IPCEF1: variants seen among roughly 807,000 people sequenced by gnomAD.
IPCEF1 encodes interaction protein for cytohesin exchange factors 1, also known as interactor protein for cytohesin exchange factors 1.
In IPCEF1, 31 loss-of-function variants were observed where a neutral mutation model predicts 50.9. The ratio of observed to expected loss-of-function variants is 0.61; its 90% CI spans 0.46 to 0.82. The LOEUF (loss-of-function observed/expected upper bound fraction) is 0.82. Ranked by LOEUF, IPCEF1 falls within the 40% of genes least tolerant of loss-of-function variation. The pLI is 0.00. For missense variants in IPCEF1, 458 were observed against 514.0 expected (o/e 0.89, Z 1.05); for synonymous variants, 181 against 192.0 (o/e 0.94, Z 0.47).
At chr6:154,348,392 T>C (rs1417170210) in intron 1 of IPCEF1, among the ~76,000 whole-genome samples, 1 of 152,204 alleles carries the variant, frequency 6.6e-6, no homozygotes, top group Non-Finnish European at 1.5e-5. Flanking sequence ...GTTCAGGCAC[T>C]TCTCTTTGAT....
chr6:154,286,373 A>T (rs1188844943), intron 2 of IPCEF1, among the ~76,000 whole-genome samples: 1 of 152,224 alleles, frequency 6.6e-6, no homozygotes, highest in Non-Finnish European at 1.5e-5. Flanking sequence ...AAAACTTTTT[A>T]AAAAGAACTA....
At chr6:154,275,870 A>AT (rs1221857285) in intron 2 of IPCEF1, among the ~76,000 whole-genome samples, 1 of 152,142 alleles carries the variant, frequency 6.6e-6, no homozygotes, top group Non-Finnish European at 1.5e-5. Context: ...GTCTGGCTAG[A>AT]TTTTTCCTTA....
At chr6:154,273,724 CTTTTTTTT>C (rs71021036) in intron 2 of IPCEF1, among the ~76,000 whole-genome samples, 17 of 63,310 alleles carry the variant, frequency 2.7e-4, no homozygotes, top group African/African-American at 6.7e-4. Flanking sequence ...TTCTTTCTTT[CTTTTTTTT>C]TTTTTTTTTT....
intron 11 of IPCEF1, among the ~76,000 whole-genome samples, chr6:154,164,270 T>A (rs974977063): frequency 6.6e-6 from 1 of 152,158 alleles, no homozygotes; most frequent in Non-Finnish European, 1.5e-5. Context: ...TAGAACAGGG[T>A]CTCTTCAACT....
At chr6:154,198,997 AAGTT>A (rs1297534032) in intron 10 of IPCEF1, among the ~76,000 whole-genome samples, 3 of 152,254 alleles carry the variant, frequency 2.0e-5, no homozygotes, top group Non-Finnish European at 4.4e-5. Flanking sequence ...TAATAAAAAT[AAGTT>A]AGTCCTGGAT....
chr6:154,233,747 C>A (rs991269236), intron 5 of IPCEF1, among the ~76,000 whole-genome samples: 21 of 152,144 alleles, frequency 1.4e-4, no homozygotes, highest in Admixed American at 1.2e-3. Flanking sequence ...CCTGTCCTTA[C>A]CACCCAGGGC....
chr6:154,163,143 G>A (rs1442298557), intron 11 of IPCEF1, among the ~76,000 whole-genome samples: 1 of 152,146 alleles, frequency 6.6e-6, no homozygotes, highest in Non-Finnish European at 1.5e-5. Flanking sequence ...CTTACTCCGA[G>A]CAGAAGCTGG....
chr6:154,278,360 A>C (rs188410974), intron 2 of IPCEF1, among the ~76,000 whole-genome samples: 1 of 152,286 alleles, frequency 6.6e-6, no homozygotes, highest in African/African-American at 2.4e-5. Context: ...CCCTGTGGAC[A>C]GGTCCGGGAG....
chr6:154,255,718 T>A (rs1366473930), intron 3 of IPCEF1, among the ~76,000 whole-genome samples: 1 of 152,210 alleles, frequency 6.6e-6, no homozygotes, highest in East Asian at 1.9e-4. Flanking sequence ...TCTCTTTATC[T>A]CTCTATGCTA....
Position 154,155,358 on chromosome 6 carries a change from T to C in IPCEF1, c.*4470A>G, listed in dbSNP as rs1798669373. 6.6e-6 allele frequency: 1 copy of C among 152,182 alleles called. No individual in the cohort carries two copies. Among genetic ancestry groups the C allele is most frequent in the Admixed American group, 6.5e-5 (1 of 15,270 alleles). 9.4% of individuals were successfully genotyped at this position (152,182 alleles called of 1,614,324 possible). ...TCTCCTGTGAGGTATACAAAAGAAA[T>C]TGGAAGAGAAATAAATTGGAAAACC... On this transcript the variant is annotated 3_prime_UTR_variant, in exon 12 of 12. Coordinates refer to ENST00000367220, the MANE Select transcript of IPCEF1 (RefSeq NM_001130700.2).
At chr6:154,231,195 T>C (rs1230458446) in intron 5 of IPCEF1, among the ~76,000 whole-genome samples, 4 of 152,188 alleles carry the variant, frequency 2.6e-5, no homozygotes, top group Non-Finnish European at 5.9e-5. Context: ...ATCTGAATTA[T>C]ATTCTTTAAA....
At chr6:154,290,748 A>G (rs1172855508) in intron 1 of IPCEF1, among the ~76,000 whole-genome samples, 1 of 152,256 alleles carries the variant, frequency 6.6e-6, no homozygotes, top group Non-Finnish European at 1.5e-5. Flanking sequence ...TTTTTTCTAA[A>G]GAGGACAGTA....
intron 2 of IPCEF1, 149 bp downstream of exon 2, chr6:154,289,564 T>C (rs1420998198): frequency 6.6e-6 from 1 of 151,980 alleles, no homozygotes; most frequent in African/African-American, 2.4e-5. Context: ...TCAACTTCCC[T>C]CTGCATAAAT....
intron 5 of IPCEF1, among the ~76,000 whole-genome samples, chr6:154,241,311 G>T (rs1780573719): frequency 6.6e-6 from 1 of 151,454 alleles, no homozygotes; most frequent in Non-Finnish European, 1.5e-5. Flanking sequence ...AGGCTCAGGG[G>T]CCTCAAGCTT....
rs1583844745 is a variant in IPCEF1, at chr6:154,225,266, T to C, written c.247-2023A>G. On this transcript the variant is annotated intron_variant, in intron 5 of 11. Coordinates refer to ENST00000367220, the MANE Select transcript of IPCEF1 (RefSeq NM_001130700.2). ...TTTGGATTATGGATGCTCAGAGGAA[T>C]TGAAAAAGGGTACTCAAATACATGT... 5.3e-5 allele frequency among the ~76,000 whole-genome samples: 8 copies of C among 152,254 alleles called. No homozygotes were observed. In the South Asian group the frequency reaches 1.7e-3, roughly 32 times the overall value.
intron 1 of IPCEF1, among the ~76,000 whole-genome samples, chr6:154,340,870 G>A (rs1167435768): frequency 7.7e-6 from 1 of 130,112 alleles, no homozygotes; most frequent in Non-Finnish European, 1.6e-5. Context: ...GGCAACAAGA[G>A]CAAAACTCCG....
intron 1 of IPCEF1, among the ~76,000 whole-genome samples, chr6:154,315,042 A>G (rs1486425928): frequency 6.6e-6 from 1 of 152,126 alleles, no homozygotes; most frequent in African/African-American, 2.4e-5. Flanking sequence ...TACCACGACC[A>G]GCTAACTTTT....
intron 11 of IPCEF1, among the ~76,000 whole-genome samples, chr6:154,160,424 A>G (rs894299633): frequency 6.6e-6 from 1 of 152,208 alleles, no homozygotes; most frequent in African/African-American, 2.4e-5. Flanking sequence ...ACTAAGTAAA[A>G]TTGGAACGTA....
intron 10 of IPCEF1, among the ~76,000 whole-genome samples, chr6:154,194,795 T>C (rs927065220): frequency 3.9e-5 from 6 of 152,182 alleles, no homozygotes; most frequent in Non-Finnish European, 8.8e-5. Flanking sequence ...CATAGAGATC[T>C]TTAGCCACCT....
Sources: allele counts gnomAD v4.1 joint callset (sites outside exome capture counted in the v4.1 genomes callset), GRCh38; gene constraint gnomAD v4.1.1; transcripts MANE v1.5; gene names NCBI Gene and HGNC (gene_info 2026-07-23, HGNC 2026-07-21).